Variants in YTHDF2 observed in about 807,000 individuals in gnomAD.
The protein encoded by YTHDF2 is YTH N6-methyladenosine RNA binding protein F2.
A neutral mutation model predicts 50.4 loss-of-function variants in YTHDF2; 2 were observed. That is an observed-to-expected ratio of 0.04 (90% CI 0.02 to 0.12). The LOEUF (loss-of-function observed/expected upper bound fraction) is 0.12. Ranked by LOEUF, YTHDF2 falls within the 10% of genes least tolerant of loss-of-function variation. YTHDF2 has a pLI of 1.00. For synonymous variants in YTHDF2, 217 were observed against 255.6 expected, an observed-to-expected ratio of 0.85 and a Z score of 1.44; for missense variants, 483 against 722.6, an observed-to-expected ratio of 0.67 and a Z score of 3.80.
intron 4 of YTHDF2, among the ~76,000 whole-genome samples, chr1:28,767,984 C>CG (rs2088243901): frequency 6.6e-6 from 1 of 150,626 alleles, no homozygotes. Context: ...GAGCAGATCA[C>CG]AAGGTCAGGA....
chr1:28,737,927 T>G, intron 2 of YTHDF2: 1 of 589,570 alleles, frequency 1.7e-6, no homozygotes, highest in Non-Finnish European at 3.0e-6. Flanking sequence ...AGGTCCTTAG[T>G]TTCCTGTAGG....
chr1:28,746,326 T>A (rs2087859669), intron 4 of YTHDF2, among the ~76,000 whole-genome samples: 1 of 152,192 alleles, frequency 6.6e-6, no homozygotes, highest in Non-Finnish European at 1.5e-5. Context: ...ATGATGAATT[T>A]AATGCACAGC....
At chr1:28,760,580 A>T (rs2124200891) in intron 4 of YTHDF2, among the ~76,000 whole-genome samples, 1 of 149,624 alleles carries the variant, frequency 6.7e-6, no homozygotes, top group Non-Finnish European at 1.5e-5. Context: ...GAGCCACCAC[A>T]CCTGGCTTTT....
At position 28,738,196 on chromosome 1, in the gene YTHDF2, G is replaced by T; in HGVS notation, c.53-63G>T. On this transcript the variant is annotated intron_variant, in intron 2 of 4. Transcript: ENST00000373812. ...AGGTTTTTCTCTGGTTAGCATATAT[G>T]AACTAATTTGAAAGGAAGATTGTAG... 8 of 1,338,754 alleles carry T rather than the reference G, an allele frequency of 6.0e-6. No individual in the cohort carries two copies. The South Asian group carries it at 8.4e-5, about 14-fold the overall frequency. The allele number at this position is 1,338,754 out of a possible 1,614,324, so 82.9% of individuals were successfully genotyped here.
intron 4 of YTHDF2, among the ~76,000 whole-genome samples, chr1:28,749,204 A>ATTTT (rs2087910494): frequency 1.9e-5 from 1 of 52,528 alleles, no homozygotes; most frequent in African/African-American, 9.8e-5. Context: ...TTTTTTTTTG[A>ATTTT]TACGGGAGTC....
At chr1:28,745,680 G>A (rs1352504315) in intron 4 of YTHDF2, among the ~76,000 whole-genome samples, 4 of 147,238 alleles carry the variant, frequency 2.7e-5, no homozygotes, top group African/African-American at 5.0e-5. Context: ...AGCCGAGATC[G>A]TGCTCTAGCC....
chr1:28,765,887 AT>A (rs1340439732), intron 4 of YTHDF2, among the ~76,000 whole-genome samples: 2 of 152,152 alleles, frequency 1.3e-5, no homozygotes, highest in Admixed American at 6.5e-5. Context: ...TCTCCTAGGT[AT>A]TTTAGTGTGT....
At chr1:28,749,202 T>G (rs958159244) in intron 4 of YTHDF2, among the ~76,000 whole-genome samples, 1 of 122,800 alleles carries the variant, frequency 8.1e-6, no homozygotes, top group African/African-American at 2.8e-5. Flanking sequence ...TTTTTTTTTT[T>G]GATACGGGAG....
intron 4 of YTHDF2, among the ~76,000 whole-genome samples, chr1:28,761,131 A>ATTTTT (rs56876999): frequency 0.015 from 1,340 of 91,332 alleles, 108 homozygotes; most frequent in Middle Eastern, 0.041. Flanking sequence ...GTGTGTGTGT[A>ATTTTT]TTTTTTTTTT....
intron 3 of YTHDF2, 152 bp from the exon 4 acceptor site, chr1:28,742,251 T>C: frequency 1.0e-6 from 1 of 984,416 alleles, no homozygotes; most frequent in Non-Finnish European, 1.4e-6. Flanking sequence ...CGCCTCCACC[T>C]CCCAAAGTGT....
intron 4 of YTHDF2, among the ~76,000 whole-genome samples, chr1:28,763,132 T>C (rs2088159815): frequency 6.6e-6 from 1 of 152,190 alleles, no homozygotes; most frequent in African/African-American, 2.4e-5. Flanking sequence ...CAGCCGAGTT[T>C]TCTATTTTGT....
intron 3 of YTHDF2, among the ~76,000 whole-genome samples, chr1:28,740,783 A>AT (rs1255068512): frequency 1.3e-5 from 2 of 152,074 alleles, no homozygotes; most frequent in African/African-American, 4.8e-5. Flanking sequence ...GGCTCACTGC[A>AT]ACCTTCACCT....
rs2088259786 is a variant in YTHDF2, at chr1:28,768,826, C to T, written c.1717-103C>T. Reference sequence around the variant, plus strand: ...TAGAATAATTAATTTTCTAATAATTCTAAATAATTAAATTTCTGTTGAGTT... The same window carrying T: ...TAGAATAATTAATTTTCTAATAATTTTAAATAATTAAATTTCTGTTGAGTT... On this transcript the variant is annotated intron_variant, in intron 4 of 4. Coordinates refer to ENST00000373812, the MANE Select transcript of YTHDF2 (RefSeq NM_016258.3). 5.6e-6 allele frequency: 5 copies of T among 899,006 alleles called. No homozygotes were observed. In the South Asian group the frequency reaches 6.3e-5, roughly 11 times the overall value. The allele number at this position is 899,006 out of a possible 1,614,324, so 55.7% of individuals were successfully genotyped here. A position where few individuals can be genotyped will look rare whatever the true frequency, so the allele number is the denominator to read the frequency against.
At chr1:28,768,716 C>T (rs1433409589) in intron 4 of YTHDF2, among the ~76,000 whole-genome samples, 1 of 152,082 alleles carries the variant, frequency 6.6e-6, no homozygotes, top group South Asian at 2.1e-4. Context: ...AATGAATTTT[C>T]AAGTCAAAAG....
At chr1:28,757,960 G>T (rs1308930566) in intron 4 of YTHDF2, among the ~76,000 whole-genome samples, 1 of 151,976 alleles carries the variant, frequency 6.6e-6, no homozygotes, top group Non-Finnish European at 1.5e-5. Flanking sequence ...TAATAATCCT[G>T]TAAAAGAGTG....
intron 4 of YTHDF2, among the ~76,000 whole-genome samples, chr1:28,765,399 C>T (rs1003996906): frequency 1.3e-5 from 2 of 150,198 alleles, no homozygotes; most frequent in African/African-American, 5.0e-5. Context: ...CCCTTCCCCC[C>T]AGTTTTATGT....
intron 4 of YTHDF2, among the ~76,000 whole-genome samples, chr1:28,745,001 T>A (rs527270415): frequency 2.6e-5 from 4 of 152,316 alleles, no homozygotes; most frequent in African/African-American, 9.6e-5. Flanking sequence ...GTGAAAAGTT[T>A]ATGAGCAAGG....
chr1:28,737,906 T>C, intron 2 of YTHDF2: 1 of 605,140 alleles, frequency 1.7e-6, no homozygotes, highest in East Asian at 2.8e-5. Context: ...GATTGGGTTT[T>C]GAAACGCTCC....
At chr1:28,759,871 G>C (rs1026748670) in intron 4 of YTHDF2, among the ~76,000 whole-genome samples, 5 of 152,178 alleles carry the variant, frequency 3.3e-5, no homozygotes, top group African/African-American at 1.2e-4. Flanking sequence ...CACGAGAATT[G>C]CTTGAACCCG....
Sources: gnomAD v4.1 joint callset for allele counts (sites outside exome capture counted in the v4.1 genomes callset) on GRCh38, gnomAD v4.1.1 for gene constraint, MANE v1.5 for transcripts, NCBI Gene and HGNC (gene_info 2026-07-23, HGNC 2026-07-21) for gene names.